The following ZNF431 variants were observed in gnomAD, a reference collection of about 807,000 sequenced individuals.
The protein encoded by ZNF431 is zinc finger protein 431.
Under a neutral mutation model 57.0 loss-of-function variants are expected in ZNF431, and 34 were observed. The observed-to-expected ratio is 0.60, with a 90% CI of 0.45 to 0.79. The LOEUF (loss-of-function observed/expected upper bound fraction) is 0.79. Among genes scored for constraint, ZNF431 ranks in the 30% least tolerant of loss-of-function variants. The pLI is 0.00. For missense variants in ZNF431, 607 were observed against 667.1 expected, an observed-to-expected ratio of 0.91 and a Z score of 0.99; for synonymous variants, 207 against 220.3, an observed-to-expected ratio of 0.94 and a Z score of 0.54.
At chr19:21,170,406 A>G (rs1239885169) in intron 4 of ZNF431, among the ~76,000 whole-genome samples, 1 of 151,796 alleles carries the variant, frequency 6.6e-6, no homozygotes, top group African/African-American at 2.4e-5. Context: ...TACTCTTTCT[A>G]TACATTTTTA....
rs1971470567 is a variant in ZNF431, at chr19:21,189,910, A to G, written c.*5876A>G. ...CCTGTAATCCCAGCTCTGGGAGGCC[A>G]AGGCCAGTGGATTGCTTGAGCCCAG... On this transcript the variant is annotated 3_prime_UTR_variant, in exon 5 of 5. Coordinates refer to ENST00000311048, the MANE Select transcript of ZNF431 (RefSeq NM_133473.4). 2.5e-6 allele frequency: 1 copy of G among 397,854 alleles called. No homozygotes were observed. The highest frequency in any genetic ancestry group is 4.4e-5 in the Admixed American group (1 of 22,690). 24.6% of individuals were successfully genotyped at this position (397,854 alleles called of 1,614,324 possible). A position where few individuals can be genotyped will look rare whatever the true frequency, so the allele number is the denominator to read the frequency against.
chr19:21,182,059 G>A (rs79320549), intron 4 of ZNF431, among the ~76,000 whole-genome samples: 3,302 of 151,664 alleles, frequency 0.022, 97 homozygotes, highest in African/African-American at 0.066. Flanking sequence ...TTAATCAGCA[G>A]TCATTTGCTG....
chr19:21,179,370 A>T (rs567464199), intron 4 of ZNF431, among the ~76,000 whole-genome samples: 1 of 150,988 alleles, frequency 6.6e-6, no homozygotes, highest in East Asian at 2.0e-4. Context: ...GTTCACTTCC[A>T]CTCTGAATCT....
intron 2 of ZNF431, among the ~76,000 whole-genome samples, chr19:21,158,767 TA>T (rs1970494373): frequency 6.6e-6 from 1 of 152,208 alleles, no homozygotes; most frequent in African/African-American, 2.4e-5. Context: ...CATCTGGACA[TA>T]AGGATAGTTT....
chr19:21,174,165 T>C (rs1045053264), intron 4 of ZNF431, among the ~76,000 whole-genome samples: 11 of 152,176 alleles, frequency 7.2e-5, no homozygotes, highest in South Asian at 2.1e-4. Flanking sequence ...TGCTGTTACA[T>C]CCTTCTTGTA....
intron 2 of ZNF431, among the ~76,000 whole-genome samples, chr19:21,147,713 CA>C (rs1478168259): frequency 6.6e-6 from 1 of 151,924 alleles, no homozygotes; most frequent in Non-Finnish European, 1.5e-5. Context: ...ATGAAGTCAG[CA>C]TGTTCTTAGA....
chr19:21,143,651 CTT>C lies in ZNF431; in HGVS notation c.96+9_96+10del, dbSNP rs749651139. 3.7e-6 allele frequency: 6 copies of C among 1,608,184 alleles called. No homozygotes were observed. The East Asian group carries it at 1.1e-4, about 30-fold the overall frequency. ...TACTCTTATTTTGAAAAGGTAACCT[CTT>C]GAGACATTAAAATTGTCTACGCCCA... is the stretch of plus-strand genomic sequence containing the variant. On this transcript the variant is annotated intron_variant, in intron 2 of 4. Transcript: ENST00000311048.
At position 21,186,452 on chromosome 19, in the gene ZNF431, G is replaced by A. The variant is rs1180117816; in HGVS notation, c.*2418G>A. ...AAATTATGGAGTTAAGTATGTGTGT[G>A]TGAGTATGAGTTTGTACATATTTTC... On this transcript the variant is annotated 3_prime_UTR_variant, in exon 5 of 5. Coordinates refer to ENST00000311048, the MANE Select transcript of ZNF431 (RefSeq NM_133473.4). 1 of 152,174 alleles carries A rather than the reference G, an allele frequency of 6.6e-6. No homozygotes were observed. Among genetic ancestry groups the A allele is most frequent in the Non-Finnish European group, 1.5e-5 (1 of 68,024 alleles). 9.4% of individuals were successfully genotyped at this position (152,174 alleles called of 1,614,324 possible). A position where few individuals can be genotyped will look rare whatever the true frequency, so the allele number is the denominator to read the frequency against.
At chr19:21,155,962 T>C (rs751196830) in intron 2 of ZNF431, among the ~76,000 whole-genome samples, 1 of 152,052 alleles carries the variant, frequency 6.6e-6, no homozygotes, top group Non-Finnish European at 1.5e-5. Flanking sequence ...GATGAAAACT[T>C]CAAGGAAAGG....
intron 2 of ZNF431, among the ~76,000 whole-genome samples, chr19:21,160,339 G>A (rs552549891): frequency 6.6e-6 from 1 of 152,268 alleles, no homozygotes; most frequent in African/African-American, 2.4e-5. Context: ...AGAGTCTGAT[G>A]ACAGAATCTT....
chr19:21,150,302 T>C, intron 2 of ZNF431: 1 of 457,730 alleles, frequency 2.2e-6, no homozygotes, highest in Non-Finnish European at 4.1e-6. Context: ...CCTTTTGGGC[T>C]GGATGTCCTG....
intron 3 of ZNF431, among the ~76,000 whole-genome samples, chr19:21,166,889 A>C (rs1363761543): frequency 2.6e-5 from 4 of 152,046 alleles, no homozygotes; most frequent in African/African-American, 9.7e-5. Flanking sequence ...TTGAGATGGA[A>C]TCTCACCCTG....
Position 21,195,421 on chromosome 19 carries a change from C to A in ZNF431, c.*11387C>A, listed in dbSNP as rs867656801. The A allele has an allele frequency of 1.3e-5, 2 of 152,136 alleles. No homozygotes were observed. Among genetic ancestry groups the A allele is most frequent in the Admixed American group, 6.6e-5 (1 of 15,260 alleles). 9.4% of individuals were successfully genotyped at this position (152,136 alleles called of 1,614,324 possible). ...TCCGAAGTGGTCAACAGTTTCACTT[C>A]CAACTTTTTTAAAAGATACACAATT... On this transcript the variant is annotated 3_prime_UTR_variant, in exon 5 of 5. Transcript: ENST00000311048.
intron 4 of ZNF431, among the ~76,000 whole-genome samples, chr19:21,169,202 T>C (rs1970809711): frequency 6.6e-6 from 1 of 152,180 alleles, no homozygotes; most frequent in South Asian, 2.1e-4. Flanking sequence ...TGTGAACCAC[T>C]GCGCCTGGCT....
intron 4 of ZNF431, among the ~76,000 whole-genome samples, chr19:21,176,722 G>T (rs1971061873): frequency 6.6e-6 from 1 of 151,870 alleles, no homozygotes; most frequent in Non-Finnish European, 1.5e-5. Context: ...TTTTCAGACA[G>T]AGTCCTGCTC....
chr19:21,150,713 C>T (rs1479747347), intron 2 of ZNF431, among the ~76,000 whole-genome samples: 1 of 152,166 alleles, frequency 6.6e-6, no homozygotes, highest in African/African-American at 2.4e-5. Context: ...TTATGTTTCT[C>T]TGATCCAAAT....
intron 2 of ZNF431, among the ~76,000 whole-genome samples, chr19:21,160,088 G>T (rs142958248): frequency 1.3e-5 from 2 of 151,100 alleles, no homozygotes; most frequent in Admixed American, 6.6e-5. Context: ...AACACCCAAG[G>T]ATGCAAGCCA....
chr19:21,169,712 A>G (rs1417929922), intron 4 of ZNF431: 3 of 398,130 alleles, frequency 7.5e-6, no homozygotes, highest in African/African-American at 2.1e-5. Context: ...TTGGCTCCTT[A>G]TATAATGGCC....
intron 2 of ZNF431, among the ~76,000 whole-genome samples, chr19:21,156,275 A>C (rs907758111): frequency 6.6e-6 from 1 of 152,202 alleles, no homozygotes; most frequent in Non-Finnish European, 1.5e-5. Context: ...GGCACACAGA[A>C]ATAAATCAGA....
Sources: gnomAD v4.1 joint callset for allele counts (sites outside exome capture counted in the v4.1 genomes callset) on GRCh38, gnomAD v4.1.1 for gene constraint, MANE v1.5 for transcripts, NCBI Gene and HGNC (gene_info 2026-07-23, HGNC 2026-07-21) for gene names.